Variants in BCKDHA observed in about 807,000 individuals in gnomAD.
The protein encoded by BCKDHA is 2-oxoisovalerate dehydrogenase subunit alpha, mitochondrial.
In BCKDHA, 43 loss-of-function variants were observed where a neutral mutation model predicts 52.2. The ratio of observed to expected loss-of-function variants is 0.82; its 90% CI spans 0.64 to 1.06. BCKDHA has a LOEUF of 1.06. BCKDHA is among the 50% of genes least tolerant of loss of function. The probability of loss-of-function intolerance (pLI) is 0.00; values close to 1 mark genes in which losing one functional copy is unlikely to be tolerated. For missense variants in BCKDHA, 527 were observed against 621.3 expected (o/e 0.85, Z 1.61); for synonymous variants, 234 against 247.9 (o/e 0.94, Z 0.53).
At position 41,397,953 on chromosome 19, in the gene BCKDHA, A is replaced by G; in HGVS notation, c.108+18A>G. On this transcript the variant is annotated intron_variant, in intron 1 of 8. Coordinates refer to ENST00000269980, the MANE Select transcript of BCKDHA (RefSeq NM_000709.4). The stretch of plus-strand genomic sequence containing the variant: ...CTAGATCTGTGAGTACCTGGGCCCC[A>G]GGCGGTTTTCCCAAAGGGGATTAGG... The G allele has an allele frequency of 1.9e-6, 3 of 1,610,274 alleles. No individual in the cohort carries two copies. Among genetic ancestry groups the G allele is most frequent in the Non-Finnish European group, 2.5e-6 (3 of 1,177,196 alleles).
chr19:41,419,412 A>T, intron 5 of BCKDHA, 116 bp downstream of exon 5: 12 of 1,294,130 alleles, frequency 9.3e-6, no homozygotes, highest in African/African-American at 1.5e-5. Flanking sequence ...ACACCACTAG[A>T]GCCCTGGTCT....
At chr19:41,401,175 C>A (rs2039135222) in intron 1 of BCKDHA, among the ~76,000 whole-genome samples, 1 of 151,912 alleles carries the variant, frequency 6.6e-6, no homozygotes, top group Admixed American at 6.6e-5. Context: ...TTCCTGGGTT[C>A]AAGCGATTCT....
At position 41,397,847 on chromosome 19, in the gene BCKDHA, C is replaced by G; in HGVS notation, c.20C>G (p.Ala7Gly). 5 of 1,614,188 alleles carry G rather than the reference C, an allele frequency of 3.1e-6. No homozygotes were observed. The highest frequency in any genetic ancestry group is 4.2e-6 in the Non-Finnish European group (5 of 1,180,034). ...GCCAAGATGGCGGTAGCGATCGCTGCAGCGAGGGTCTGGCGGCTAAACCGT... is the reference window on the plus strand; with the variant it reads ...GCCAAGATGGCGGTAGCGATCGCTGGAGCGAGGGTCTGGCGGCTAAACCGT... MAVAIA[A>G]ARVWRLNRGL... The change falls in exon 1 of 9, where the codon GCA becomes GGA. Residue 7 changes from alanine to glycine, a missense_variant. By Grantham distance (60) the Ala-to-Gly change is moderately conservative. Transcript: ENST00000269980.
Position 41,410,747 on chromosome 19 carries a change from C to T in BCKDHA, c.219C>T (p.Ile73=). Residue 73 remains isoleucine, a synonymous_variant, in exon 2 of 9, where the codon ATC becomes ATT. Coordinates refer to ENST00000269980, the MANE Select transcript of BCKDHA (RefSeq NM_000709.4). ...TGGAATTCATCCAGCCCAACGTCAT[C>T]TCTGGAATCCCCATCTACCGCGTCA... ...DKLEFIQPNV[I]SGIPIYRVMD... The T allele has an allele frequency of 1.2e-6, 2 of 1,614,202 alleles. No homozygotes were observed. The highest frequency in any genetic ancestry group is 1.7e-6 in the Non-Finnish European group (2 of 1,180,044).
chr19:41,410,230 GGAGA>G (rs1229540058), intron 1 of BCKDHA, among the ~76,000 whole-genome samples: 1 of 152,234 alleles, frequency 6.6e-6, no homozygotes, highest in East Asian at 1.9e-4. Context: ...GGTCACAGTG[GGAGA>G]GAGAGAGGAG....
chr19:41,422,787 C>G lies in BCKDHA; in HGVS notation c.995+17C>G, dbSNP rs376811066. 29 of 1,612,584 alleles carry G rather than the reference C, an allele frequency of 1.8e-5. No individual in the cohort carries two copies. Among genetic ancestry groups the G allele is most frequent in the Admixed American group, 3.3e-5 (2 of 60,002 alleles). On this transcript the variant is annotated intron_variant, in intron 7 of 8. Transcript: ENST00000269980. ...GACCTACAGGTGCCTGCCGCTCCCC[C>G]CGTCAGCACCCCCACAGCACTGACA...
intron 8 of BCKDHA, 22 bp downstream of exon 8, chr19:41,423,191 G>C (rs1017095994): frequency 6.5e-7 from 1 of 1,549,830 alleles, no homozygotes; most frequent in Non-Finnish European, 8.7e-7. Flanking sequence ...CCGCCCGGGA[G>C]GGTGTGCTGG....
At chr19:41,399,703 T>C (rs1318130864) in intron 1 of BCKDHA, 1 of 151,696 alleles carries the variant, frequency 6.6e-6, no homozygotes, top group African/African-American at 2.4e-5. Context: ...CCTTTTTCTT[T>C]TCTTTTCTTT....
At chr19:41,419,409 T>A in intron 5 of BCKDHA, 113 bp downstream of exon 5, 1 of 1,310,414 alleles carries the variant, frequency 7.6e-7, no homozygotes, top group Non-Finnish European at 1.1e-6. Flanking sequence ...GTGACACCAC[T>A]AGAGCCCTGG....
intron 1 of BCKDHA, among the ~76,000 whole-genome samples, chr19:41,401,079 G>GTT (rs71181105): frequency 6.7e-6 from 1 of 149,238 alleles, no homozygotes; most frequent in East Asian, 2.0e-4. Flanking sequence ...GTTTTGTTTT[G>GTT]TTTTTTGTTT....
At chr19:41,400,662 C>T (rs564317293) in intron 1 of BCKDHA, among the ~76,000 whole-genome samples, 6 of 152,068 alleles carry the variant, frequency 3.9e-5, no homozygotes, top group African/African-American at 7.2e-5. Context: ...GGATGACAAG[C>T]GTGAGCCACC....
intron 1 of BCKDHA, among the ~76,000 whole-genome samples, chr19:41,403,777 C>T (rs114855860): frequency 0.011 from 1,678 of 152,260 alleles, 33 homozygotes; most frequent in African/African-American, 0.038. Context: ...CACGAGGGCA[C>T]GCAGGTTCAC....
chr19:41,417,287 A>G (rs2039316321), intron 4 of BCKDHA, among the ~76,000 whole-genome samples: 1 of 152,028 alleles, frequency 6.6e-6, no homozygotes, highest in Admixed American at 6.6e-5. Flanking sequence ...AAGTGCTGGG[A>G]TTACAGGCAC....
At chr19:41,405,970 C>T (rs772113610) in intron 1 of BCKDHA, among the ~76,000 whole-genome samples, 1 of 152,208 alleles carries the variant, frequency 6.6e-6, no homozygotes, top group Non-Finnish European at 1.5e-5. Flanking sequence ...CCCCCACCCC[C>T]TTCCAAAAAC....
intron 1 of BCKDHA, among the ~76,000 whole-genome samples, chr19:41,408,652 C>T (rs547343866): frequency 3.6e-4 from 54 of 151,768 alleles, no homozygotes; most frequent in Non-Finnish European, 6.6e-4. Context: ...GCATGTTGCT[C>T]TGTTGCCCAG....
At chr19:41,398,972 G>A (rs1881454856) in intron 1 of BCKDHA, among the ~76,000 whole-genome samples, 1 of 152,158 alleles carries the variant, frequency 6.6e-6, no homozygotes, top group Non-Finnish European at 1.5e-5. Context: ...AAGGGCAATA[G>A]GAATGTTGAT....
Position 41,424,745 on chromosome 19 carries a change from C to A in BCKDHA, c.*137C>A. 1.0e-6 allele frequency: 1 copy of A among 996,814 alleles called. No individual in the cohort carries two copies. The highest frequency in any genetic ancestry group is 1.4e-6 in the Non-Finnish European group (1 of 698,116). 61.7% of individuals were successfully genotyped at this position (996,814 alleles called of 1,614,324 possible). ...CTAAAATACTCAGCGGCCAGGGCGG[C>A]TGCCACTCTTCACCCCTGCTCCTCC... On this transcript the variant is annotated 3_prime_UTR_variant, in exon 9 of 9. Coordinates refer to ENST00000269980, the MANE Select transcript of BCKDHA (RefSeq NM_000709.4).
chr19:41,408,557 A>G (rs1172959575), intron 1 of BCKDHA, among the ~76,000 whole-genome samples: 2 of 151,700 alleles, frequency 1.3e-5, no homozygotes, highest in African/African-American at 4.8e-5. Context: ...GGGCTTTCTC[A>G]GCCATTCCTC....
At chr19:41,403,749 T>G (rs1479510172) in intron 1 of BCKDHA, among the ~76,000 whole-genome samples, 1 of 152,178 alleles carries the variant, frequency 6.6e-6, no homozygotes, top group Non-Finnish European at 1.5e-5. Flanking sequence ...CACCAGCCTG[T>G]GAGGTGGATG....
Sources: allele counts gnomAD v4.1 joint callset (sites outside exome capture counted in the v4.1 genomes callset), GRCh38; gene constraint gnomAD v4.1.1; transcripts MANE v1.5; gene names NCBI Gene and HGNC (gene_info 2026-07-23, HGNC 2026-07-21).